OTOGL: variants seen among roughly 807,000 people sequenced by gnomAD.
The protein encoded by OTOGL is otogelin-like protein.
OTOGL carries 285 observed loss-of-function variants against 318.5 expected under a neutral mutation model. The observed-to-expected ratio is 0.89, with a 90% CI of 0.81 to 0.99. OTOGL has a LOEUF of 0.99. Among genes scored for constraint, OTOGL ranks in the 50% least tolerant of loss-of-function variants. The probability of loss-of-function intolerance (pLI) is 0.00; values close to 1 mark genes in which losing one functional copy is unlikely to be tolerated. For missense variants in OTOGL, 2,899 were observed against 2,845.6 expected (o/e 1.02, Z -0.43); for synonymous variants, 987 against 936.5 (o/e 1.05, Z -0.99).
At position 80,328,877 on chromosome 12, in the gene OTOGL, A is replaced by G. The variant is rs924560704; in HGVS notation, c.4279+133A>G. 1.1e-5 allele frequency: 12 copies of G among 1,048,622 alleles called. No homozygotes were observed. The African/African-American group carries it at 1.9e-4, about 17-fold the overall frequency. The allele number at this position is 1,048,622 out of a possible 1,614,324, so 65.0% of individuals were successfully genotyped here. On this transcript the variant is annotated intron_variant, in intron 36 of 58. Transcript: ENST00000547103. Reference sequence around the variant, plus strand: ...ATAAGATTATTCTTCAATGTCTCTTACATAGCTTTTTTTCCCTAATTACTT... The same window carrying G: ...ATAAGATTATTCTTCAATGTCTCTTGCATAGCTTTTTTTCCCTAATTACTT...
At chr12:80,329,699 A>G (rs1439101022) in intron 37 of OTOGL, among the ~76,000 whole-genome samples, 1 of 152,212 alleles carries the variant, frequency 6.6e-6, no homozygotes, top group Non-Finnish European at 1.5e-5. Context: ...ACTCACAGTG[A>G]GGCTCAACAA....
chr12:80,263,009 T>A (rs1036294829), intron 19 of OTOGL, among the ~76,000 whole-genome samples: 8 of 152,208 alleles, frequency 5.3e-5, no homozygotes, highest in African/African-American at 1.9e-4. Flanking sequence ...ATTGCCATAT[T>A]GTTTTTATTA....
chr12:80,104,482 G>A (rs942011086), intron 1 of OTOGL, among the ~76,000 whole-genome samples: 1 of 152,126 alleles, frequency 6.6e-6, no homozygotes, highest in African/African-American at 2.4e-5. Context: ...ACCTAACTTG[G>A]GGAAGGACCC....
At chr12:80,234,318 G>T (rs772724774) in intron 9 of OTOGL, among the ~76,000 whole-genome samples, 1 of 152,128 alleles carries the variant, frequency 6.6e-6, no homozygotes, top group Non-Finnish European at 1.5e-5. Context: ...GACCTGACAG[G>T]CTCCCTGTGC....
At chr12:80,107,277 C>T (rs1869510077) in intron 1 of OTOGL, among the ~76,000 whole-genome samples, 1 of 152,102 alleles carries the variant, frequency 6.6e-6, no homozygotes, top group Non-Finnish European at 1.5e-5. Context: ...ACATAACGGA[C>T]ATTTTTCAAA....
chr12:80,236,805 CT>C (rs1879895413), intron 9 of OTOGL, among the ~76,000 whole-genome samples: 1 of 147,394 alleles, frequency 6.8e-6, no homozygotes, highest in Non-Finnish European at 1.5e-5. Flanking sequence ...TTCTTTTTTT[CT>C]TTTTCTTTTC....
At chr12:80,356,075 C>A in intron 47 of OTOGL, 127 bp downstream of exon 47, 2 of 1,090,300 alleles carry the variant, frequency 1.8e-6, no homozygotes, top group African/African-American at 1.6e-5. Context: ...TTTCTCAAAG[C>A]AAGTTTTGTT....
At position 80,257,993 on chromosome 12, in the gene OTOGL, A is replaced by G. The variant is rs777425343; in HGVS notation, c.1880A>G (p.Asp627Gly). 4.4e-6 allele frequency: 7 copies of G among 1,580,540 alleles called. No individual in the cohort carries two copies. Among genetic ancestry groups the G allele is most frequent in the Non-Finnish European group, 6.0e-6 (7 of 1,174,046 alleles). The change falls in exon 18 of 59, where the codon GAT (aspartate) becomes GGT (glycine). Residue 627 changes from aspartate (D) to glycine (G), a missense_variant. By Grantham distance (94) the Asp-to-Gly change is moderately conservative. This residue lies in a region of OTOGL where 2,607 missense variants were observed against 2,524.9 expected (regional missense o/e 1.03). Coordinates refer to ENST00000547103, the MANE Select transcript of OTOGL (RefSeq NM_001378609.3). ...LCGTFNGNIRDDFLSPSGMIE... is the reference protein window; with the variant it reads ...LCGTFNGNIRGDFLSPSGMIE... ...GGCACTTTTAATGGCAACATAAGGG[A>G]TGATTTTCTGTAAGTATGATTTCTG...
chr12:80,316,676 G>C (rs1565979119), intron 32 of OTOGL, among the ~76,000 whole-genome samples: 1 of 152,154 alleles, frequency 6.6e-6, no homozygotes, highest in Non-Finnish European at 1.5e-5. Flanking sequence ...ATGGAGAAAC[G>C]CATCAATGTG....
At chr12:80,250,968 T>G (rs1258293198) in intron 11 of OTOGL, among the ~76,000 whole-genome samples, 1 of 152,202 alleles carries the variant, frequency 6.6e-6, no homozygotes, top group Non-Finnish European at 1.5e-5. Flanking sequence ...TTAAAGATTA[T>G]TTAGTCTTGG....
At position 80,273,564 on chromosome 12, in the gene OTOGL, A is replaced by G. The variant is rs371166439; in HGVS notation, c.2681+1754A>G. On this transcript the variant is annotated intron_variant, in intron 24 of 58. Coordinates refer to ENST00000547103, the MANE Select transcript of OTOGL (RefSeq NM_001378609.3). The stretch of plus-strand genomic sequence containing the variant: ...CTTTTAATAATGGATATAACACTAT[A>G]TTTACTTCTTGGATGATTGAGTATA... Among the ~76,000 whole-genome samples, 35 of 152,214 alleles carry G rather than the reference A, an allele frequency of 2.3e-4. 1 individual carries two copies. The South Asian group carries it at 7.3e-3, about 32-fold the overall frequency.
chr12:80,139,381 TG>T (rs1449120504), intron 1 of OTOGL, among the ~76,000 whole-genome samples: 2 of 152,248 alleles, frequency 1.3e-5, no homozygotes, highest in Non-Finnish European at 2.9e-5. Context: ...CCTTTATAAC[TG>T]AGCCTTAACT....
At chr12:80,241,529 A>G (rs759816850) in intron 11 of OTOGL, among the ~76,000 whole-genome samples, 1 of 151,916 alleles carries the variant, frequency 6.6e-6, no homozygotes, top group Non-Finnish European at 1.5e-5. Flanking sequence ...ACATATATGG[A>G]ATTAAAATTG....
intron 54 of OTOGL, 55 bp from the exon 55 acceptor site, chr12:80,368,150 G>A: frequency 7.8e-7 from 1 of 1,274,702 alleles, no homozygotes; most frequent in Non-Finnish European, 1.1e-6. Context: ...CTCTCCAGAA[G>A]TAATTCATTA....
intron 16 of OTOGL, among the ~76,000 whole-genome samples, chr12:80,255,663 T>C (rs369645995): frequency 6.6e-6 from 1 of 152,084 alleles, no homozygotes. Flanking sequence ...TTTCTTAACA[T>C]ATTGGAATAT....
intron 1 of OTOGL, among the ~76,000 whole-genome samples, chr12:80,104,194 G>T (rs1459358481): frequency 1.3e-5 from 2 of 152,220 alleles, no homozygotes; most frequent in African/African-American, 4.8e-5. Flanking sequence ...CAGGAGATAG[G>T]AGTACTTTGG....
At position 80,339,091 on chromosome 12, in the gene OTOGL, T is replaced by C. The variant is rs1417870435; in HGVS notation, c.4877T>C (p.Ile1626Thr). ...RLARKVEVDS[I>T]VVPLPFSSQE... The stretch of plus-strand genomic sequence containing the variant: ...TTATTCTAGGTAGAAGTGGATTCCA[T>C]TGTTGTGCCTTTGCCCTTTTCAAGT... The change falls in exon 43 of 59, where the codon ATT (isoleucine) becomes ACT (threonine). Residue 1626 changes from isoleucine (I) to threonine (T), a missense_variant. Around this residue, in one of 3 missense-constraint regions of OTOGL, gnomAD observed 2,607 missense variants for 2,524.9 expected, o/e 1.03. Transcript: ENST00000547103. 4.4e-6 allele frequency: 7 copies of C among 1,606,732 alleles called. No individual in the cohort carries two copies. The highest frequency in any genetic ancestry group is 6.0e-6 in the Non-Finnish European group (7 of 1,174,528).
chr12:80,267,403 A>AT (rs1943950331), intron 22 of OTOGL, 76 bp downstream of exon 22: 1 of 695,654 alleles, frequency 1.4e-6, no homozygotes, highest in African/African-American at 2.0e-5. Flanking sequence ...ATATATATAT[A>AT]TATATTTTTT....
intron 52 of OTOGL, chr12:80,366,313 A>G (rs1178421580): frequency 2.2e-6 from 1 of 454,336 alleles, no homozygotes; most frequent in Non-Finnish European, 4.4e-6. Flanking sequence ...CTGCCTTGGT[A>G]GAGCAGATCA....
Sources: gnomAD v4.1 joint callset for allele counts (sites outside exome capture counted in the v4.1 genomes callset) on GRCh38, gnomAD v4.1.1 for gene constraint, gnomAD v4.1.1 regional missense constraint, MANE v1.5 for transcripts, NCBI Gene and HGNC (gene_info 2026-07-23, HGNC 2026-07-21) for gene names.